Variants in DLC1 observed in about 807,000 individuals in gnomAD.
DLC1 encodes the protein DLC1 Rho GTPase activating protein.
DLC1 carries 54 observed loss-of-function variants against 140.3 expected under a neutral mutation model. The ratio of observed to expected loss-of-function variants is 0.38; its 90% CI spans 0.31 to 0.48. DLC1 has a LOEUF of 0.48. DLC1 is among the 20% of genes least tolerant of loss of function. DLC1 has a pLI of 0.96. For missense variants in DLC1, 2,536 were observed against 1,907.0 expected (o/e 1.33, Z -6.14); for synonymous variants, 986 against 728.1 (o/e 1.35, Z -5.70).
chr8:13,307,081 C>CA (rs34372620), intron 4 of DLC1, among the ~76,000 whole-genome samples: 22,886 of 70,284 alleles, frequency 0.33, 3,781 homozygotes, highest in East Asian at 0.51. Flanking sequence ...GAGACTCTGT[C>CA]AAAAAAAAAA....
chr8:13,404,030 T>A (rs755636885), intron 2 of DLC1, among the ~76,000 whole-genome samples: 18 of 152,090 alleles, frequency 1.2e-4, no homozygotes, highest in Admixed American at 2.6e-4. Context: ...CTCTTTATCC[T>A]AAGGTTATTT....
chr8:13,383,832 G>A (rs554353390), intron 4 of DLC1, among the ~76,000 whole-genome samples: 54 of 152,258 alleles, frequency 3.5e-4, no homozygotes, highest in African/African-American at 8.4e-4. Context: ...AGCCAATTTC[G>A]AAGTAGATCT....
chr8:13,469,530 A>G lies in DLC1; in HGVS notation c.1023+29519T>C, dbSNP rs183574240. ...CCATTAAAAGCAAAACTGTTCATAA[A>G]GAGTCTAGGCTTGGGGCTGACATAT... On this transcript the variant is annotated intron_variant, in intron 2 of 17. Coordinates refer to ENST00000276297, the MANE Select transcript of DLC1 (RefSeq NM_182643.3). 5.3e-5 allele frequency among the ~76,000 whole-genome samples: 8 copies of G among 152,328 alleles called. No homozygotes were observed. The East Asian group carries it at 1.5e-3, about 29-fold the overall frequency.
chr8:13,195,958 A>G (rs1295174286), intron 5 of DLC1, among the ~76,000 whole-genome samples: 1 of 152,216 alleles, frequency 6.6e-6, no homozygotes, highest in African/African-American at 2.4e-5. Flanking sequence ...TTAACAAAAT[A>G]AAGGATAATT....
chr8:13,194,545 G>C lies in DLC1; in HGVS notation c.1349-78888C>G, dbSNP rs561238822. 2.0e-5 allele frequency among the ~76,000 whole-genome samples: 3 copies of C among 152,352 alleles called. No individual in the cohort carries two copies. The East Asian group carries it at 5.8e-4, about 29-fold the overall frequency. On this transcript the variant is annotated intron_variant, in intron 5 of 17. Transcript: ENST00000276297. The stretch of plus-strand genomic sequence containing the variant: ...AAATGTTTGCAAATGCTGTTTGGAA[G>C]CTGAGTCAACACACCTGATTTGGAA...
intron 12 of DLC1, 138 bp downstream of exon 12, chr8:13,094,621 A>T: frequency 9.7e-7 from 1 of 1,027,884 alleles, no homozygotes; most frequent in South Asian, 1.6e-5. Flanking sequence ...AGCCGAGGTC[A>T]CGCCACTGCA....
rs181876251 is a variant in DLC1 at position 13,413,011 on chromosome 8, C to G, written c.1024-11392G>C. ...GGGTTCATGTTTAATGAGCAAAACA[C>G]AGGTTGCCTATCAGCCCCCACTCAG... On this transcript the variant is annotated intron_variant, in intron 2 of 17. Transcript: ENST00000276297. 7.2e-3 allele frequency among the ~76,000 whole-genome samples: 1,085 copies of G among 150,968 alleles called. 17 individuals carry two copies. Among genetic ancestry groups the G allele is most frequent in the African/African-American group, 0.025 (1,032 of 41,138 alleles).
intron 2 of DLC1, among the ~76,000 whole-genome samples, chr8:13,404,022 C>G (rs1325433018): frequency 6.6e-6 from 1 of 152,012 alleles, no homozygotes; most frequent in Non-Finnish European, 1.5e-5. Flanking sequence ...AATGCATGCT[C>G]TTTATCCTAA....
At chr8:13,385,561 A>G (rs1263364440) in intron 4 of DLC1, among the ~76,000 whole-genome samples, 2 of 152,234 alleles carry the variant, frequency 1.3e-5, no homozygotes, top group Non-Finnish European at 2.9e-5. Flanking sequence ...GTGGCATCTT[A>G]GGACTTTATG....
At chr8:13,582,986 G>T (rs1805168689) in intron 1 of DLC1, among the ~76,000 whole-genome samples, 1 of 148,170 alleles carries the variant, frequency 6.7e-6, no homozygotes, top group Non-Finnish European at 1.5e-5. Flanking sequence ...TGCTGAAAAT[G>T]CTAATGGTCA....
chr8:13,089,119 C>T (rs1162462838), intron 15 of DLC1, among the ~76,000 whole-genome samples: 3 of 151,550 alleles, frequency 2.0e-5, no homozygotes, highest in African/African-American at 4.9e-5. Context: ...ATTAGCCAGG[C>T]GTGGTGGCAG....
At chr8:13,412,271 T>A (rs1010201363) in intron 2 of DLC1, among the ~76,000 whole-genome samples, 2 of 152,162 alleles carry the variant, frequency 1.3e-5, no homozygotes, top group African/African-American at 4.8e-5. Flanking sequence ...AAAAAAGAAA[T>A]CATGACCACA....
At chr8:13,208,418 G>A (rs1305698448) in intron 5 of DLC1, among the ~76,000 whole-genome samples, 4 of 152,104 alleles carry the variant, frequency 2.6e-5, no homozygotes, top group Non-Finnish European at 1.5e-5. Flanking sequence ...AGAACATTAT[G>A]AAGAGAAAAC....
chr8:13,086,339 A>T lies in DLC1; in HGVS notation c.4417T>A (p.Cys1473Ser). 6.2e-7 allele frequency: 1 copy of T among 1,614,252 alleles called. No individual in the cohort carries two copies. Among genetic ancestry groups the T allele is most frequent in the Non-Finnish European group, 8.5e-7 (1 of 1,180,036 alleles). The change falls in exon 17 of 18, where the codon TGT becomes AGT. Residue 1473 changes from cysteine (C) to serine (S), a missense_variant. By Grantham distance (112) the Cys-to-Ser change is moderately radical. Coordinates refer to ENST00000276297, the MANE Select transcript of DLC1 (RefSeq NM_182643.3). ...VLLSRYLIEP[C>S]GPGKSKLTYM... ...GTGAGTTTGGATTTTCCTGGCCCAC[A>T]GGGTTCAATCAAATACCTGGACAAG...
chr8:13,085,617 A>C lies in DLC1; in HGVS notation c.*194T>G. ...TGCACAGTCTTACATATTCCAGTCAAGGTCTATGAATACAGACCCTCAACA... is the reference window on the plus strand; with the variant it reads ...TGCACAGTCTTACATATTCCAGTCACGGTCTATGAATACAGACCCTCAACA... On this transcript the variant is annotated 3_prime_UTR_variant, in exon 18 of 18. Coordinates refer to ENST00000276297, the MANE Select transcript of DLC1 (RefSeq NM_182643.3). 1.4e-6 allele frequency: 1 copy of C among 707,662 alleles called. No homozygotes were observed. The highest frequency in any genetic ancestry group is 2.1e-6 in the Non-Finnish European group (1 of 468,166). 43.8% of individuals were successfully genotyped at this position (707,662 alleles called of 1,614,324 possible). A position where few individuals can be genotyped will look rare whatever the true frequency, so the allele number is the denominator to read the frequency against.
intron 2 of DLC1, among the ~76,000 whole-genome samples, chr8:13,455,023 C>T (rs979755069): frequency 4.6e-5 from 7 of 151,894 alleles, no homozygotes; most frequent in African/African-American, 4.8e-5. Context: ...GCCTGATACA[C>T]GGTAGACTTG....
At chr8:13,119,228 A>T (rs1433473852) in intron 5 of DLC1, among the ~76,000 whole-genome samples, 3 of 31,362 alleles carry the variant, frequency 9.6e-5, no homozygotes, top group South Asian at 2.4e-3. Context: ...ACCCTGTCTA[A>T]AAAAAAAAAA....
At chr8:13,085,978 A>G (rs990959460) in intron 17 of DLC1, 47 bp from the exon 18 acceptor site, 3 of 1,602,270 alleles carry the variant, frequency 1.9e-6, no homozygotes, top group Admixed American at 1.7e-5. Flanking sequence ...TAAGTTAGAA[A>G]GCATGGAAAT....
chr8:13,393,060 T>C, intron 4 of DLC1, among the ~76,000 whole-genome samples: 1 of 152,166 alleles, frequency 6.6e-6, no homozygotes. Context: ...ATTTATATAA[T>C]TATTATCTGT....
Sources: allele counts gnomAD v4.1 joint callset (sites outside exome capture counted in the v4.1 genomes callset), GRCh38; gene constraint gnomAD v4.1.1; transcripts MANE v1.5; gene names NCBI Gene and HGNC (gene_info 2026-07-23, HGNC 2026-07-21).